Variants in STPG2 observed in about 807,000 individuals in gnomAD.
STPG2 encodes the protein sperm-tail PG-rich repeat-containing protein 2.
A neutral mutation model predicts 54.2 loss-of-function variants in STPG2; 56 were observed. The observed-to-expected ratio is 1.03, with a 90% confidence interval of 0.83 to 1.29. The LOEUF (loss-of-function observed/expected upper bound fraction) is 1.29, where lower values mean the gene tolerates loss of function less well. Among genes scored for constraint, STPG2 ranks in the 50% most tolerant of loss-of-function variants. STPG2 has a pLI of 0.00. For synonymous variants in STPG2, 200 were observed against 181.8 expected (o/e 1.10, Z -0.81); for missense variants, 596 against 544.9 (o/e 1.09, Z -0.93).
intron 4 of STPG2, among the ~76,000 whole-genome samples, chr4:97,442,090 A>G (rs890477205): frequency 2.6e-5 from 4 of 151,964 alleles, no homozygotes; most frequent in African/African-American, 9.7e-5. Context: ...GACTACCTAT[A>G]TGAAAATATT....
chr4:97,991,469 A>G (rs1203265186), intron 5 of STPG2, among the ~76,000 whole-genome samples: 4 of 149,032 alleles, frequency 2.7e-5, no homozygotes, highest in Admixed American at 6.7e-5. Context: ...GTATATATAT[A>G]TATGTATATA....
At chr4:97,461,531 A>T (rs929345970) in intron 4 of STPG2, among the ~76,000 whole-genome samples, 10 of 152,162 alleles carry the variant, frequency 6.6e-5, no homozygotes, top group Admixed American at 6.5e-4. Context: ...GCAGTCTGCA[A>T]CCCAGAAGAG....
At chr4:97,494,574 C>T (rs1469450224) in intron 4 of STPG2, among the ~76,000 whole-genome samples, 1 of 151,502 alleles carries the variant, frequency 6.6e-6, no homozygotes, top group Non-Finnish European at 1.5e-5. Flanking sequence ...TCCTGGTTTG[C>T]CTTTGGACTA....
In STPG2 at chr4:97,965,337, G is replaced by A. The variant is rs141393341; in HGVS notation, c.933+6943C>T. ...TTGAGTAGGTAAACAAAGCAGCTGC[G>A]AAGCTCAAACTGGGCAGAGACCACT... On this transcript the variant is annotated intron_variant, in intron 7 of 10. Transcript: ENST00000295268. Among the ~76,000 whole-genome samples, 1,035 of 152,296 alleles carry A rather than the reference G, an allele frequency of 6.8e-3. 7 individuals carry two copies. Among genetic ancestry groups the A allele is most frequent in the East Asian group, 0.034 (176 of 5,174 alleles).
chr4:97,834,957 A>C (rs890359131), intron 9 of STPG2, among the ~76,000 whole-genome samples: 1 of 152,076 alleles, frequency 6.6e-6, no homozygotes, highest in African/African-American at 2.4e-5. Flanking sequence ...CTTAGGATTA[A>C]GGGTTCTCTT....
chr4:97,645,567 A>C (rs951610326), intron 10 of STPG2, among the ~76,000 whole-genome samples: 1 of 152,124 alleles, frequency 6.6e-6, no homozygotes, highest in East Asian at 1.9e-4. Flanking sequence ...AGTGAATTTT[A>C]TGACATAATT....
At chr4:97,798,072 C>T (rs542866029) in intron 9 of STPG2, among the ~76,000 whole-genome samples, 1 of 151,836 alleles carries the variant, frequency 6.6e-6, no homozygotes, top group South Asian at 2.1e-4. Context: ...TTTGATTCTT[C>T]TCTCTTCTTT....
In STPG2 at chr4:98,075,345, T is replaced by C. The variant is rs1198833690; in HGVS notation, c.612+30608A>G. Among the ~76,000 whole-genome samples, 3 of 152,216 alleles carry C rather than the reference T, an allele frequency of 2.0e-5. No individual in the cohort carries two copies. In the East Asian group the frequency reaches 5.8e-4, roughly 29 times the overall value. ...CTTTTCTGTGCTTCCCTTTACTTAATACTCTTGGTTCCTGAATCATTGACT... is the reference window on the plus strand; with the variant it reads ...CTTTTCTGTGCTTCCCTTTACTTAACACTCTTGGTTCCTGAATCATTGACT... On this transcript the variant is annotated intron_variant, in intron 5 of 10. Transcript: ENST00000295268.
chr4:97,805,696 C>G (rs1578580905), intron 9 of STPG2, among the ~76,000 whole-genome samples: 1 of 152,030 alleles, frequency 6.6e-6, no homozygotes, highest in Admixed American at 6.5e-5. Context: ...GTTTGTGAAA[C>G]TTTTCTCCCA....
At chr4:97,800,947 G>A (rs1202096671) in intron 9 of STPG2, among the ~76,000 whole-genome samples, 7 of 152,184 alleles carry the variant, frequency 4.6e-5, no homozygotes, top group South Asian at 2.1e-4. Context: ...TGCTAGCAAT[G>A]AGCAAGGCTC....
At chr4:97,961,406 G>A (rs191930875) in intron 7 of STPG2, among the ~76,000 whole-genome samples, 1 of 152,254 alleles carries the variant, frequency 6.6e-6, no homozygotes, top group East Asian at 1.9e-4. Flanking sequence ...GGAACAGTCA[G>A]CAGAGTAAAC....
chr4:97,627,741 C>T (rs763266233), intron 10 of STPG2, among the ~76,000 whole-genome samples: 3 of 151,582 alleles, frequency 2.0e-5, no homozygotes, highest in Non-Finnish European at 4.4e-5. Context: ...GAAACAAAAC[C>T]AATAGTAAAT....
chr4:97,784,316 C>A lies in STPG2; in HGVS notation c.1204+56457G>T, dbSNP rs115410656. Among the ~76,000 whole-genome samples, 1,108 of 152,082 alleles carry A rather than the reference C, an allele frequency of 7.3e-3. 12 individuals carry two copies. Among genetic ancestry groups the A allele is most frequent in the Middle Eastern group, 0.024 (7 of 292 alleles). On this transcript the variant is annotated intron_variant, in intron 9 of 10. Transcript: ENST00000295268. ...TATTTTCTAAGTGTAAAAAATTCTA[C>A]TTTTTACTAAAAGACTATTTGTTAC...
chr4:97,782,915 A>C (rs1726695000), intron 9 of STPG2, among the ~76,000 whole-genome samples: 1 of 152,224 alleles, frequency 6.6e-6, no homozygotes, highest in Non-Finnish European at 1.5e-5. Context: ...CTTACACCTT[A>C]TACAAAAATT....
At chr4:97,554,151 G>C (rs1483637594), downstream of STPG2, among the ~76,000 whole-genome samples, 1 of 152,086 alleles carries the variant, frequency 6.6e-6, no homozygotes, top group Non-Finnish European at 1.5e-5. Flanking sequence ...AGAGAAGTTG[G>C]AGTGTTGGAC....
At chr4:97,609,642 G>A (rs2148913739) in intron 10 of STPG2, among the ~76,000 whole-genome samples, 1 of 151,958 alleles carries the variant, frequency 6.6e-6, no homozygotes, top group African/African-American at 2.4e-5. Flanking sequence ...TCTGTCTAAT[G>A]GGGATGTTTG....
chr4:97,745,281 C>G (rs6821976), intron 9 of STPG2, among the ~76,000 whole-genome samples: 1 of 144,910 alleles, frequency 6.9e-6, no homozygotes, highest in Admixed American at 6.9e-5. Context: ...AAAACAATTG[C>G]AGAAAAGTGC....
intron 10 of STPG2, among the ~76,000 whole-genome samples, chr4:97,582,182 C>T (rs1732878989): frequency 6.6e-6 from 1 of 151,984 alleles, no homozygotes; most frequent in Admixed American, 6.6e-5. Flanking sequence ...CAGACATTGA[C>T]TTTAGAACCA....
intron 4 of STPG2, among the ~76,000 whole-genome samples, chr4:97,491,204 C>T (rs1295697070): frequency 6.6e-6 from 1 of 151,314 alleles, no homozygotes; most frequent in Non-Finnish European, 1.5e-5. Context: ...GAAAGTTACT[C>T]CACAGAAAGC....
Sources: allele counts gnomAD v4.1 joint callset (sites outside exome capture counted in the v4.1 genomes callset), GRCh38; gene constraint gnomAD v4.1.1; transcripts MANE v1.5; gene names NCBI Gene and HGNC (gene_info 2026-07-23, HGNC 2026-07-21).